TENM3: variants seen among roughly 807,000 people sequenced by gnomAD.
The protein encoded by TENM3 is teneurin transmembrane protein 3.
Under a neutral mutation model 255.1 loss-of-function variants are expected in TENM3, and 63 were observed. The ratio of observed to expected loss-of-function variants is 0.25; its 90% confidence interval spans 0.20 to 0.30. TENM3 has a LOEUF of 0.30. TENM3 is among the 10% of genes least tolerant of loss of function. The pLI is 1.00. For synonymous variants in TENM3, 1,306 were observed against 1,322.3 expected, an observed-to-expected ratio of 0.99 and a Z score of 0.27; for missense variants, 2,929 against 3,461.1, an observed-to-expected ratio of 0.85 and a Z score of 3.86.
intron 13 of TENM3, among the ~76,000 whole-genome samples, chr4:182,714,667 G>A (rs188268056): frequency 2.6e-5 from 4 of 152,298 alleles, no homozygotes; most frequent in Non-Finnish European, 5.9e-5. Context: ...ACAGAGAACA[G>A]TCCCCTGGAT....
the TENM3 span, among the ~76,000 whole-genome samples, chr4:182,059,759 A>G: frequency 7.7e-6 from 1 of 129,176 alleles, no homozygotes; most frequent in Admixed American, 7.1e-5. Context: ...AAAAAAAAAA[A>G]AAAGAAAAAA....
At chr4:182,032,559 G>T in the TENM3 span, among the ~76,000 whole-genome samples, 1 of 152,124 alleles carries the variant, frequency 6.6e-6, no homozygotes, top group Non-Finnish European at 1.5e-5. Flanking sequence ...AATGATGCTG[G>T]CCTTATAAAA....
At chr4:182,693,818 T>C (rs1757186316) in intron 12 of TENM3, among the ~76,000 whole-genome samples, 1 of 152,216 alleles carries the variant, frequency 6.6e-6, no homozygotes. Context: ...TTAAATGGAA[T>C]ACTAGAATGT....
At chr4:181,617,120 T>C in the TENM3 span, among the ~76,000 whole-genome samples, 1 of 152,168 alleles carries the variant, frequency 6.6e-6, no homozygotes, top group Non-Finnish European at 1.5e-5. Flanking sequence ...AAATTATGCA[T>C]ATAAATCTTG....
chr4:181,911,037 A>G, the TENM3 span, among the ~76,000 whole-genome samples: 35 of 152,292 alleles, frequency 2.3e-4, no homozygotes, highest in African/African-American at 7.9e-4. Context: ...ATCAAAAGGT[A>G]TGTAAATTTA....
At chr4:182,760,195 C>A (rs1360691213) in intron 22 of TENM3, among the ~76,000 whole-genome samples, 3 of 152,278 alleles carry the variant, frequency 2.0e-5, no homozygotes, top group Admixed American at 1.3e-4. Context: ...TGCTGCTCTT[C>A]ACACCACTTA....
chr4:181,734,545 C>A, the TENM3 span, among the ~76,000 whole-genome samples: 1 of 151,928 alleles, frequency 6.6e-6, no homozygotes, highest in African/African-American at 2.4e-5. Flanking sequence ...GTATATATGA[C>A]CAAATTTGTT....
intron 1 of TENM3, among the ~76,000 whole-genome samples, chr4:182,205,864 G>A (rs2149855063): frequency 6.6e-6 from 1 of 152,228 alleles, no homozygotes; most frequent in Non-Finnish European, 1.5e-5. Context: ...CGCAGGCAAA[G>A]TGCATTCGAC....
In TENM3 at chr4:182,775,158, G is replaced by A. The variant is rs776647414; in HGVS notation, c.5304+5G>A. 38 of 1,613,196 alleles carry A rather than the reference G, an allele frequency of 2.4e-5. No homozygotes were observed. In the East Asian group the frequency reaches 6.0e-4, roughly 26 times the overall value. ...GTCTTTGGCCGCAAGCTCAGGGTAC[G>A]TACGTGTTGTGGAGCAGGAGATAGC... On this transcript the variant is annotated splice_donor_5th_base_variant and intron_variant, in intron 24 of 27. Transcript: ENST00000511685.
At chr4:182,063,758 A>G in the TENM3 span, among the ~76,000 whole-genome samples, 1 of 152,228 alleles carries the variant, frequency 6.6e-6, no homozygotes, top group Non-Finnish European at 1.5e-5. Context: ...CCTTGGTGCT[A>G]TCACTGAATT....
rs528770132 is a variant in TENM3 at position 182,325,642 on chromosome 4, T to TA, written c.232+1396dup. On this transcript the variant is annotated intron_variant, in intron 2 of 27. Transcript: ENST00000511685. ...ATCAGTGTACATTTTTTCAACAATT[T>TA]AAAAAATAGTAAGTAGTGTAGAAAT... Among the ~76,000 whole-genome samples the TA allele has an allele frequency of 3.9e-5, 6 of 152,156 alleles. No individual in the cohort carries two copies. The South Asian group carries it at 1.2e-3, about 32-fold the overall frequency.
chr4:182,277,859 T>G (rs1403100347), intron 1 of TENM3, among the ~76,000 whole-genome samples: 2 of 152,232 alleles, frequency 1.3e-5, no homozygotes, highest in Non-Finnish European at 2.9e-5. Context: ...AGAATCCTTT[T>G]ATTTAAACAG....
At chr4:182,146,891 T>G (rs1327270463) in intron 1 of TENM3, among the ~76,000 whole-genome samples, 1 of 152,210 alleles carries the variant, frequency 6.6e-6, no homozygotes, top group Non-Finnish European at 1.5e-5. Flanking sequence ...GTTTATTTTC[T>G]AGAAAGATGT....
intron 4 of TENM3, among the ~76,000 whole-genome samples, chr4:182,609,711 G>A (rs997911922): frequency 6.6e-6 from 1 of 152,138 alleles, no homozygotes; most frequent in African/African-American, 2.4e-5. Context: ...GGAGGATCTG[G>A]ATTAAAATCT....
At chr4:182,209,134 A>G (rs1754798511) in intron 1 of TENM3, among the ~76,000 whole-genome samples, 1 of 151,784 alleles carries the variant, frequency 6.6e-6, no homozygotes, top group Non-Finnish European at 1.5e-5. Flanking sequence ...TGCCCGGCCA[A>G]TTTTTGTATT....
intron 3 of TENM3, among the ~76,000 whole-genome samples, chr4:182,470,951 A>G (rs550834849): frequency 2.6e-5 from 4 of 152,326 alleles, no homozygotes; most frequent in Non-Finnish European, 5.9e-5. Context: ...AATGAAGATC[A>G]GTATTATTTT....
chr4:182,532,913 A>G (rs1015448436), intron 3 of TENM3, among the ~76,000 whole-genome samples: 2 of 152,216 alleles, frequency 1.3e-5, no homozygotes, highest in African/African-American at 4.8e-5. Context: ...ATCGGTACTC[A>G]CTATATAATA....
the TENM3 span, among the ~76,000 whole-genome samples, chr4:182,051,561 TAGAGA>T: frequency 6.6e-6 from 1 of 151,862 alleles, no homozygotes; most frequent in Non-Finnish European, 1.5e-5. Flanking sequence ...GTATTTTTAG[TAGAGA>T]TGGGGTTTCA....
the TENM3 span, among the ~76,000 whole-genome samples, chr4:182,016,870 A>G: frequency 3.9e-5 from 6 of 152,222 alleles, no homozygotes; most frequent in African/African-American, 1.4e-4. Context: ...ATAAAGTAAC[A>G]ATCATTTTCA....
Sources: allele counts gnomAD v4.1 joint callset (sites outside exome capture counted in the v4.1 genomes callset), GRCh38; gene constraint gnomAD v4.1.1; transcripts MANE v1.5; gene names NCBI Gene and HGNC (gene_info 2026-07-23, HGNC 2026-07-21).